Variants in GPC5 observed in about 807,000 individuals in gnomAD.
The protein encoded by GPC5 is glypican 5, also known as glypican-5.
In GPC5, 47 loss-of-function variants were observed where a neutral mutation model predicts 53.9. That is an observed-to-expected ratio of 0.87 (90% CI 0.69 to 1.11). GPC5 has a LOEUF of 1.11. GPC5 is among the 50% of genes most tolerant of loss of function. GPC5 has a pLI of 0.00. For missense variants in GPC5, 748 were observed against 713.1 expected, an observed-to-expected ratio of 1.05 and a Z score of -0.56; for synonymous variants, 286 against 263.3, an observed-to-expected ratio of 1.09 and a Z score of -0.84.
At chr13:91,414,633 G>T (rs1170428507) in intron 1 of GPC5, among the ~76,000 whole-genome samples, 3 of 152,142 alleles carry the variant, frequency 2.0e-5, no homozygotes, top group African/African-American at 7.2e-5. Flanking sequence ...AATGACAGTT[G>T]GGACTAGAGT....
intron 7 of GPC5, among the ~76,000 whole-genome samples, chr13:92,501,945 A>G (rs914435296): frequency 1.3e-5 from 2 of 152,162 alleles, no homozygotes; most frequent in African/African-American, 4.8e-5. Flanking sequence ...GCTCTGAAAG[A>G]ATTGCCAAAG....
At chr13:92,440,539 G>C (rs1877506397) in intron 7 of GPC5, among the ~76,000 whole-genome samples, 1 of 152,106 alleles carries the variant, frequency 6.6e-6, no homozygotes, top group Admixed American at 6.6e-5. Context: ...CTTTGCTATT[G>C]TGAACAGTGT....
At chr13:92,356,115 G>A (rs2043519834) in intron 7 of GPC5, among the ~76,000 whole-genome samples, 1 of 151,890 alleles carries the variant, frequency 6.6e-6, no homozygotes, top group South Asian at 2.1e-4. Context: ...GTCCTACCTG[G>A]CCAGAACTAT....
chr13:92,367,255 G>C (rs995081234), intron 7 of GPC5, among the ~76,000 whole-genome samples: 34 of 152,232 alleles, frequency 2.2e-4, no homozygotes, highest in African/African-American at 6.7e-4. Flanking sequence ...TTTATTTTAT[G>C]TTCCATGTTA....
intron 7 of GPC5, among the ~76,000 whole-genome samples, chr13:92,764,937 A>C (rs1875335021): frequency 6.6e-6 from 1 of 152,178 alleles, no homozygotes; most frequent in Non-Finnish European, 1.5e-5. Context: ...AAAAAGGGAA[A>C]TTTGAATTTA....
intron 7 of GPC5, among the ~76,000 whole-genome samples, chr13:92,677,426 T>TGTCA (rs746149215): frequency 1.1e-4 from 16 of 152,180 alleles, no homozygotes; most frequent in Non-Finnish European, 2.1e-4. Flanking sequence ...GAATGTACAG[T>TGTCA]GTCAGTTCAT....
chr13:92,284,740 C>T (rs1318330642), intron 7 of GPC5, among the ~76,000 whole-genome samples: 1 of 152,106 alleles, frequency 6.6e-6, no homozygotes, highest in Non-Finnish European at 1.5e-5. Flanking sequence ...TGAGAAGTAT[C>T]TCAAAATAAT....
intron 6 of GPC5, among the ~76,000 whole-genome samples, chr13:92,032,172 T>A (rs540789114): frequency 2.1e-4 from 31 of 149,474 alleles, no homozygotes; most frequent in African/African-American, 7.4e-4. Context: ...CTAAGTGAAG[T>A]AACTCAGGAA....
intron 7 of GPC5, among the ~76,000 whole-genome samples, chr13:92,684,988 T>A (rs1887218241): frequency 6.6e-6 from 1 of 152,260 alleles, no homozygotes; most frequent in African/African-American, 2.4e-5. Flanking sequence ...TAATGACATA[T>A]GATGTTGAGC....
Position 91,398,948 on chromosome 13 carries a change from G to A in GPC5, c.-99G>A, listed in dbSNP as rs1363294272. 2 of 1,435,900 alleles carry A rather than the reference G, an allele frequency of 1.4e-6. No individual in the cohort carries two copies. The highest frequency in any genetic ancestry group is 1.8e-6 in the Non-Finnish European group (2 of 1,083,326). The allele number at this position is 1,435,900 out of a possible 1,614,324, so 88.9% of individuals were successfully genotyped here. A position where few individuals can be genotyped will look rare whatever the true frequency, so the allele number is the denominator to read the frequency against. Reference sequence around the variant, plus strand: ...ACCCCGCAGCCGGCTCGCACCGCTCGAGAGCCTCGGCCGCTGTGTCTTCCA... The same window carrying A: ...ACCCCGCAGCCGGCTCGCACCGCTCAAGAGCCTCGGCCGCTGTGTCTTCCA... On this transcript the variant is annotated 5_prime_UTR_variant, in exon 1 of 8. Coordinates refer to ENST00000377067, the MANE Select transcript of GPC5 (RefSeq NM_004466.6).
intron 2 of GPC5, among the ~76,000 whole-genome samples, chr13:91,682,930 AATT>A (rs1326256797): frequency 1.3e-5 from 2 of 150,698 alleles, no homozygotes; most frequent in African/African-American, 4.9e-5. Flanking sequence ...TAGATTTTTT[AATT>A]TTATTTTTTT....
intron 7 of GPC5, among the ~76,000 whole-genome samples, chr13:92,276,983 T>C (rs1485810907): frequency 2.6e-5 from 4 of 151,710 alleles, no homozygotes; most frequent in Non-Finnish European, 5.9e-5. Context: ...AACATTACTT[T>C]TAGTCTCTCT....
intron 7 of GPC5, among the ~76,000 whole-genome samples, chr13:92,410,465 A>G (rs951760385): frequency 3.3e-5 from 5 of 152,230 alleles, no homozygotes; most frequent in African/African-American, 1.2e-4. Flanking sequence ...GGACAACTGT[A>G]CTACCAGAAA....
rs150801474 is a variant in GPC5 at position 91,964,427 on chromosome 13, G to A, written c.1401+56370G>A. Among the ~76,000 whole-genome samples, 167 of 152,198 alleles carry A rather than the reference G, an allele frequency of 1.1e-3. 2 individuals carry two copies. Among genetic ancestry groups the A allele is most frequent in the African/African-American group, 3.8e-3 (159 of 41,526 alleles). On this transcript the variant is annotated intron_variant, in intron 6 of 7. Coordinates refer to ENST00000377067, the MANE Select transcript of GPC5 (RefSeq NM_004466.6). ...AGAGTGCTGATTGGTCTGTTTTACAGAGTGCTGATTGGTCTGTTTTGACAG... is the reference window on the plus strand; with the variant it reads ...AGAGTGCTGATTGGTCTGTTTTACAAAGTGCTGATTGGTCTGTTTTGACAG...
intron 5 of GPC5, among the ~76,000 whole-genome samples, chr13:91,869,002 G>A (rs1269545002): frequency 1.3e-5 from 2 of 152,048 alleles, no homozygotes; most frequent in Admixed American, 6.6e-5. Context: ...CATATATGGG[G>A]TGAAATTGTC....
chr13:91,843,837 C>T (rs1443329192), intron 5 of GPC5, among the ~76,000 whole-genome samples: 6 of 152,064 alleles, frequency 3.9e-5, no homozygotes, highest in Non-Finnish European at 1.5e-5. Context: ...GCTCCTGTTG[C>T]GGTGACTTGA....
At chr13:92,184,533 A>G (rs1426934436) in intron 7 of GPC5, among the ~76,000 whole-genome samples, 1 of 152,164 alleles carries the variant, frequency 6.6e-6, no homozygotes, top group African/African-American at 2.4e-5. Context: ...TCCTTAAATA[A>G]CTAAGAGCAA....
chr13:91,922,886 C>T (rs1446116696), intron 6 of GPC5, among the ~76,000 whole-genome samples: 1 of 5,282 alleles, frequency 1.9e-4, no homozygotes, highest in Non-Finnish European at 2.8e-4. Flanking sequence ...GCAGATCTTA[C>T]TCCTAAATGC....
intron 7 of GPC5, among the ~76,000 whole-genome samples, chr13:92,358,298 T>C (rs2043538989): frequency 6.6e-6 from 1 of 151,336 alleles, no homozygotes; most frequent in South Asian, 2.1e-4. Flanking sequence ...CTCCCAAGTT[T>C]TTGGGCAACT....
Sources: allele counts gnomAD v4.1 joint callset (sites outside exome capture counted in the v4.1 genomes callset), GRCh38; gene constraint gnomAD v4.1.1; transcripts MANE v1.5; gene names NCBI Gene and HGNC (gene_info 2026-07-23, HGNC 2026-07-21).